The following DAB1 variants were observed in gnomAD, a reference collection of about 807,000 sequenced individuals.
DAB1 encodes the protein disabled homolog 1.
In DAB1, 15 loss-of-function variants were observed where a neutral mutation model predicts 64.6. The ratio of observed to expected loss-of-function variants is 0.23; its 90% CI spans 0.16 to 0.36. DAB1 has a LOEUF of 0.36. Ranked by LOEUF, DAB1 falls within the 10% of genes least tolerant of loss-of-function variation. The pLI is 1.00. For missense variants in DAB1, 596 were observed against 706.7 expected (o/e 0.84, Z 1.78); for synonymous variants, 235 against 251.9 (o/e 0.93, Z 0.64).
At chr1:57,274,884 ATTTTTT>A (rs3042300) in intron 2 of DAB1, among the ~76,000 whole-genome samples, 17 of 146,854 alleles carry the variant, frequency 1.2e-4, no homozygotes, top group African/African-American at 4.2e-4. Flanking sequence ...GCTCAGCCAA[ATTTTTT>A]TTTTTTTTTT....
chr1:58,470,214 C>A (rs1287983914), intron 3 of DAB1, among the ~76,000 whole-genome samples: 2 of 151,328 alleles, frequency 1.3e-5, no homozygotes, highest in Non-Finnish European at 2.9e-5. Context: ...CATTCTGTCA[C>A]CCAGGTTGGA....
intron 3 of DAB1, among the ~76,000 whole-genome samples, chr1:58,419,979 T>C (rs1644756796): frequency 6.6e-6 from 1 of 152,208 alleles, no homozygotes; most frequent in African/African-American, 2.4e-5. Context: ...AATCTGTAGG[T>C]TGCCTCTCCA....
At chr1:57,782,208 C>T (rs1650135314) in intron 6 of DAB1, among the ~76,000 whole-genome samples, 1 of 152,092 alleles carries the variant, frequency 6.6e-6, no homozygotes, top group East Asian at 1.9e-4. Context: ...ATGAAACAAG[C>T]TTGAAGCCAG....
At chr1:58,300,603 A>AG (rs1338346260) in intron 4 of DAB1, among the ~76,000 whole-genome samples, 18 of 37,262 alleles carry the variant, frequency 4.8e-4, no homozygotes, top group East Asian at 2.1e-3. Context: ...AAAGAAAGAA[A>AG]GAAAGAAAGA....
At chr1:58,013,284 G>T (rs1646694496) in intron 5 of DAB1, among the ~76,000 whole-genome samples, 2 of 152,124 alleles carry the variant, frequency 1.3e-5, no homozygotes, top group South Asian at 4.2e-4. Flanking sequence ...AAAAAAGTGG[G>T]CATGAGAACT....
At chr1:58,483,782 C>T (rs1309858616) in intron 3 of DAB1, among the ~76,000 whole-genome samples, 3 of 152,228 alleles carry the variant, frequency 2.0e-5, no homozygotes, top group Non-Finnish European at 4.4e-5. Context: ...CAGGCATGAG[C>T]CATGACTGTC....
chr1:58,405,618 C>T (rs1361277995), intron 3 of DAB1, among the ~76,000 whole-genome samples: 1 of 152,176 alleles, frequency 6.6e-6, no homozygotes, highest in Non-Finnish European at 1.5e-5. Flanking sequence ...CCTCAGCCTC[C>T]CAAAGTGCTA....
At chr1:57,457,740 C>T (rs1558399293) in intron 7 of DAB1, among the ~76,000 whole-genome samples, 5 of 151,798 alleles carry the variant, frequency 3.3e-5, no homozygotes, top group Admixed American at 3.3e-4. Flanking sequence ...GTGAAAACTC[C>T]CAGAGGGAGA....
In DAB1 at chr1:57,800,138, T is replaced by C. The variant is rs529501281; in HGVS notation, n.551+83861A>G. The stretch of plus-strand genomic sequence containing the variant: ...TCTAAGCAACTTGGCCAAGGTTACA[T>C]GGGGAGGGCAAGGCAGAGGCATGAT... On this transcript the variant is annotated intron_variant and non_coding_transcript_variant, in intron 6 of 20. Transcript: ENST00000485760. 1.3e-4 allele frequency among the ~76,000 whole-genome samples: 20 copies of C among 152,238 alleles called. No individual in the cohort carries two copies. In the South Asian group the frequency reaches 3.9e-3, roughly 30 times the overall value.
chr1:57,898,555 G>T lies in DAB1; in HGVS notation n.388-14393C>A, dbSNP rs146457931. Among the ~76,000 whole-genome samples, 235 of 152,224 alleles carry T rather than the reference G, an allele frequency of 1.5e-3. 2 individuals are homozygous for T. The East Asian group carries it at 0.029, about 19-fold the overall frequency. ...TGAAGATTTTATACCAAATACGGAA[G>T]ACTTTGGACCAAGGGAACTTAATTA... On this transcript the variant is annotated intron_variant and non_coding_transcript_variant, in intron 5 of 20. Transcript: ENST00000485760.
intron 7 of DAB1, among the ~76,000 whole-genome samples, chr1:57,629,990 G>A (rs1299380759): frequency 3.3e-5 from 5 of 152,054 alleles, no homozygotes; most frequent in Non-Finnish European, 7.4e-5. Flanking sequence ...TATTAAACAG[G>A]AAAAAGATGA....
Position 57,048,854 on chromosome 1 carries a change from T to C in DAB1, c.723+14030A>G, listed in dbSNP as rs140118704. Among the ~76,000 whole-genome samples the C allele has an allele frequency of 4.6e-3, 699 of 152,358 alleles. 7 individuals are homozygous for C. The highest frequency in any genetic ancestry group is 0.016 in the African/African-American group (645 of 41,576). ...TAGCAGAGAGACGGGGTGATCACTGTTATTCAGACATGCTTTCTTTACAAC... is the reference window on the plus strand; with the variant it reads ...TAGCAGAGAGACGGGGTGATCACTGCTATTCAGACATGCTTTCTTTACAAC... On this transcript the variant is annotated intron_variant, in intron 9 of 14. Coordinates refer to ENST00000371236, the MANE Select transcript of DAB1 (RefSeq NM_001365792.1).
chr1:58,328,988 T>C (rs1662911071), intron 4 of DAB1, among the ~76,000 whole-genome samples: 1 of 152,256 alleles, frequency 6.6e-6, no homozygotes, highest in Non-Finnish European at 1.5e-5. Flanking sequence ...GTGTAAGCTC[T>C]TGTCATTGAA....
intron 1 of DAB1, among the ~76,000 whole-genome samples, chr1:57,417,064 A>G (rs140104213): frequency 6.0e-4 from 92 of 152,306 alleles, no homozygotes; most frequent in African/African-American, 2.1e-3. Flanking sequence ...TTGTTCTGGA[A>G]AAATATATTC....
intron 6 of DAB1, among the ~76,000 whole-genome samples, chr1:57,733,670 G>A (rs544089969): frequency 6.6e-6 from 1 of 152,092 alleles, no homozygotes; most frequent in Non-Finnish European, 1.5e-5. Context: ...AGAACCTGAG[G>A]CTCAGAGAGG....
intron 1 of DAB1, among the ~76,000 whole-genome samples, chr1:57,872,189 A>T (rs1321707745): frequency 1.3e-5 from 2 of 152,196 alleles, no homozygotes; most frequent in Non-Finnish European, 2.9e-5. Context: ...CACTCTTATG[A>T]TCTGAATGTA....
intron 2 of DAB1, among the ~76,000 whole-genome samples, chr1:57,260,235 C>T (rs763047264): frequency 1.3e-5 from 2 of 152,144 alleles, no homozygotes; most frequent in Admixed American, 1.3e-4. Flanking sequence ...GTATCCTTCA[C>T]GATGATCATA....
chr1:57,079,858 G>A (rs567616934), intron 4 of DAB1, among the ~76,000 whole-genome samples: 2 of 152,240 alleles, frequency 1.3e-5, no homozygotes, highest in East Asian at 3.9e-4. Flanking sequence ...CATGACGCAA[G>A]TCCTCTCTAC....
chr1:57,297,869 C>A (rs888573017), intron 1 of DAB1, among the ~76,000 whole-genome samples: 1 of 152,100 alleles, frequency 6.6e-6, no homozygotes, highest in Admixed American at 6.5e-5. Flanking sequence ...GTTCTGATTC[C>A]ACCTCCACCC....
Sources: gnomAD v4.1 joint callset for allele counts (sites outside exome capture counted in the v4.1 genomes callset) on GRCh38, gnomAD v4.1.1 for gene constraint, MANE v1.5 for transcripts, NCBI Gene and HGNC (gene_info 2026-07-23, HGNC 2026-07-21) for gene names.